AFDN: variants seen among roughly 807,000 people sequenced by gnomAD.
AFDN encodes the protein afadin, adherens junction formation factor.
AFDN carries 68 observed loss-of-function variants against 216.6 expected under a neutral mutation model. That is an observed-to-expected ratio of 0.31 (90% CI 0.26 to 0.38). The LOEUF is 0.38. Among genes scored for constraint, AFDN ranks in the 10% least tolerant of loss-of-function variants. The probability of loss-of-function intolerance (pLI) is 1.00; values close to 1 mark genes in which losing one functional copy is unlikely to be tolerated. For missense variants in AFDN, 2,136 were observed against 2,342.0 expected (o/e 0.91, Z 1.82); for synonymous variants, 868 against 853.7 (o/e 1.02, Z -0.29).
chr6:167,854,483 T>C (rs1402419477), intron 1 of AFDN, among the ~76,000 whole-genome samples: 1 of 152,042 alleles, frequency 6.6e-6, no homozygotes, highest in Admixed American at 6.6e-5. Flanking sequence ...TTAATTGACT[T>C]TGGATTTCAA....
intron 21 of AFDN, among the ~76,000 whole-genome samples, chr6:167,922,228 T>G (rs549258782): frequency 6.6e-6 from 1 of 152,232 alleles, no homozygotes; most frequent in Non-Finnish European, 1.5e-5. Flanking sequence ...AGGCTTACTT[T>G]TACAAAGCAT....
intron 31 of AFDN, chr6:167,964,061 C>A (rs1797296419): frequency 1.9e-6 from 2 of 1,064,246 alleles, no homozygotes; most frequent in East Asian, 5.0e-5. Flanking sequence ...AGGACCAGGC[C>A]ATGTTTTTCC....
At chr6:167,913,675 T>G (rs2128464874) in intron 16 of AFDN, 1 of 521,422 alleles carries the variant, frequency 1.9e-6, no homozygotes, top group East Asian at 3.2e-5. Context: ...TTATTTATCC[T>G]TGGTTCCTAT....
Position 167,898,192 on chromosome 6 carries a change from C to T in AFDN, c.1318-13C>T. 6.2e-7 allele frequency: 1 copy of T among 1,611,590 alleles called. No individual in the cohort carries two copies. Among genetic ancestry groups the T allele is most frequent in the Non-Finnish European group, 8.5e-7 (1 of 1,178,132 alleles). On this transcript the variant is annotated splice_polypyrimidine_tract_variant and intron_variant, in intron 10 of 33. Coordinates refer to ENST00000683244, the MANE Select transcript of AFDN (RefSeq NM_001386888.1). ...TCATGATGGGAGTTTCTTTGGTTTC[C>T]TTCGGTTTCCAGTTGTTTGGCCCAG...
intron 22 of AFDN, among the ~76,000 whole-genome samples, chr6:167,924,596 A>G (rs1227705836): frequency 6.6e-6 from 1 of 152,208 alleles, no homozygotes. Context: ...CTCCCCGTGG[A>G]TAGTGTAAAA....
chr6:167,839,600 G>C (rs554189298), intron 1 of AFDN, among the ~76,000 whole-genome samples: 73 of 152,256 alleles, frequency 4.8e-4, no homozygotes, highest in African/African-American at 1.7e-3. Context: ...AGCGGTAACT[G>C]GCACTGAGAT....
chr6:167,880,539 G>A (rs1785984295), intron 6 of AFDN, 22 bp downstream of exon 6: 1 of 1,608,504 alleles, frequency 6.2e-7, no homozygotes, highest in South Asian at 1.1e-5. Context: ...TATCAAATCA[G>A]TAGTTCTTTC....
chr6:167,880,570 G>T (rs1260758373), intron 6 of AFDN, 53 bp downstream of exon 6: 1 of 1,545,232 alleles, frequency 6.5e-7, no homozygotes, highest in Non-Finnish European at 8.9e-7. Flanking sequence ...TTAAATGGTA[G>T]ATTTTCTTTA....
At chr6:167,953,812 A>G (rs1796243311) in intron 30 of AFDN, among the ~76,000 whole-genome samples, 2 of 152,172 alleles carry the variant, frequency 1.3e-5, no homozygotes, top group Non-Finnish European at 2.9e-5. Flanking sequence ...ATTCGTTAGG[A>G]TCCTAAGGAC....
chr6:167,827,201 C>G lies in AFDN; in HGVS notation c.69C>G (p.Asn23Lys). 1 of 1,277,546 alleles carries G rather than the reference C, an allele frequency of 7.8e-7. No homozygotes were observed. Among genetic ancestry groups the G allele is most frequent in the African/African-American group, 1.6e-5 (1 of 62,964 alleles). The allele number at this position is 1,277,546 out of a possible 1,614,324, so 79.1% of individuals were successfully genotyped here. A position where few individuals can be genotyped will look rare whatever the true frequency, so the allele number is the denominator to read the frequency against. Residue 23 changes from asparagine (N) to lysine (K), a missense_variant, in exon 1 of 34, where the codon AAC (asparagine) becomes AAG (lysine). Transcript: ENST00000683244. Reference protein sequence around the residue: ...LADIIHHWNANRLDLFEISQP... With the variant: ...LADIIHHWNAKRLDLFEISQP... Reference sequence around the variant, plus strand: ...ACATCATCCACCACTGGAACGCCAACCGGCTGGACCTGTTCGAGATCAGCC... The same window carrying G: ...ACATCATCCACCACTGGAACGCCAAGCGGCTGGACCTGTTCGAGATCAGCC...
At chr6:167,910,191 T>C (rs1400326460) in intron 13 of AFDN, among the ~76,000 whole-genome samples, 1 of 152,242 alleles carries the variant, frequency 6.6e-6, no homozygotes, top group Non-Finnish European at 1.5e-5. Context: ...AAAATGCTTT[T>C]GAACTGTGGT....
At chr6:167,834,291 T>G (rs1435831407) in intron 1 of AFDN, among the ~76,000 whole-genome samples, 3 of 152,068 alleles carry the variant, frequency 2.0e-5, no homozygotes, top group African/African-American at 7.2e-5. Context: ...GTCCATTGTG[T>G]CATTCTTAGG....
rs545748788 is a variant in AFDN at position 167,954,611 on chromosome 6, A to G, written c.4833+2424A>G. Reference sequence around the variant, plus strand: ...GTTCTCCTTAGGGGTGTCCTCCATCAGGAGATGGAGTCCCTGACACTTTAG... The same window carrying G: ...GTTCTCCTTAGGGGTGTCCTCCATCGGGAGATGGAGTCCCTGACACTTTAG... On this transcript the variant is annotated intron_variant, in intron 30 of 33. Transcript: ENST00000683244. The G allele has an allele frequency of 2.1e-5, 15 of 698,918 alleles. No homozygotes were observed. In the South Asian group the frequency reaches 3.4e-4, roughly 16 times the overall value. 43.3% of individuals were successfully genotyped at this position (698,918 alleles called of 1,614,324 possible). A position where few individuals can be genotyped will look rare whatever the true frequency, so the allele number is the denominator to read the frequency against.
At chr6:167,836,500 A>T (rs1314906468) in intron 1 of AFDN, among the ~76,000 whole-genome samples, 1 of 152,210 alleles carries the variant, frequency 6.6e-6, no homozygotes, top group Non-Finnish European at 1.5e-5. Flanking sequence ...GCACATATGG[A>T]TTTTTAATAC....
chr6:167,887,785 G>C (rs556964866), intron 6 of AFDN, among the ~76,000 whole-genome samples: 7 of 151,938 alleles, frequency 4.6e-5, no homozygotes, highest in African/African-American at 1.4e-4. Context: ...AATTGTAGCT[G>C]TTTTCTTATT....
chr6:167,923,990 T>A (rs1295889436), intron 22 of AFDN, among the ~76,000 whole-genome samples: 2 of 152,202 alleles, frequency 1.3e-5, no homozygotes, highest in African/African-American at 4.8e-5. Context: ...CAGCAACTTC[T>A]GTTTACCCAA....
At chr6:167,916,678 T>C (rs1385279525) in intron 19 of AFDN, among the ~76,000 whole-genome samples, 7 of 152,142 alleles carry the variant, frequency 4.6e-5, no homozygotes, top group African/African-American at 7.2e-5. Flanking sequence ...ATAATTTTTT[T>C]CTCCATTTTT....
chr6:167,893,247 T>C (rs1787834793), intron 8 of AFDN, among the ~76,000 whole-genome samples: 1 of 152,240 alleles, frequency 6.6e-6, no homozygotes, highest in Admixed American at 6.5e-5. Context: ...GATGTCGTTT[T>C]AGGTTTTCAT....
At chr6:167,907,133 G>T in intron 12 of AFDN, 38 bp from the exon 13 acceptor site, 2 of 1,536,580 alleles carry the variant, frequency 1.3e-6, no homozygotes, top group Non-Finnish European at 1.8e-6. Flanking sequence ...GTTGGTCTGT[G>T]TGAGGTTCTA....
Sources: allele counts gnomAD v4.1 joint callset (sites outside exome capture counted in the v4.1 genomes callset), GRCh38; gene constraint gnomAD v4.1.1; transcripts MANE v1.5; gene names NCBI Gene and HGNC (gene_info 2026-07-23, HGNC 2026-07-21).